The following FSD1L variants were observed in gnomAD, a reference collection of about 807,000 sequenced individuals.
FSD1L encodes the protein fibronectin type III and SPRY domain containing 1 like.
In FSD1L, 45 loss-of-function variants were observed where a neutral mutation model predicts 71.6. The observed-to-expected ratio is 0.63, with a 90% confidence interval of 0.49 to 0.81. FSD1L has a LOEUF of 0.81. Ranked by LOEUF, FSD1L falls within the 30% of genes least tolerant of loss-of-function variation. FSD1L has a pLI of 0.00. For synonymous variants in FSD1L, 197 were observed against 207.2 expected (o/e 0.95, Z 0.42); for missense variants, 561 against 618.1 (o/e 0.91, Z 0.98).
chr9:105,525,334 T>C, intron 10 of FSD1L: 1 of 1,596,034 alleles, frequency 6.3e-7, no homozygotes, highest in Admixed American at 1.8e-5. Context: ...TCCTGAATGC[T>C]TACAGAGAAC....
At chr9:105,523,563 A>G (rs1167811121) in intron 10 of FSD1L, 14 of 1,612,178 alleles carry the variant, frequency 8.7e-6, no homozygotes, top group South Asian at 2.2e-5. Flanking sequence ...GATTAGAGAT[A>G]ACCTCGGCAT....
intron 1 of FSD1L, among the ~76,000 whole-genome samples, chr9:105,449,245 A>G (rs1406711505): frequency 6.6e-6 from 1 of 152,232 alleles, no homozygotes; most frequent in Non-Finnish European, 1.5e-5. Flanking sequence ...TGAGAGAATA[A>G]TGATGTGTTG....
In FSD1L at chr9:105,490,503, A is replaced by G. The variant is rs1564106986; in HGVS notation, c.586+6001A>G. Reference sequence around the variant, plus strand: ...TTCTTTTGCTGTGCAGAAGCTCTTTAGTTTAATTAGATCCCAGTTGTCAAT... The same window carrying G: ...TTCTTTTGCTGTGCAGAAGCTCTTTGGTTTAATTAGATCCCAGTTGTCAAT... On this transcript the variant is annotated intron_variant, in intron 7 of 13. Coordinates refer to ENST00000481272, the MANE Select transcript of FSD1L (RefSeq NM_001145313.3). Among the ~76,000 whole-genome samples the G allele has an allele frequency of 4.6e-5, 7 of 151,456 alleles. No homozygotes were observed. The South Asian group carries it at 1.5e-3, about 32-fold the overall frequency.
At position 105,497,301 on chromosome 9, in the gene FSD1L, T is replaced by G. The variant is rs76377983; in HGVS notation, c.587-9098T>G. Among the ~76,000 whole-genome samples, 913 of 152,320 alleles carry G rather than the reference T, an allele frequency of 6.0e-3. 14 individuals carry two copies. Among genetic ancestry groups the G allele is most frequent in the African/African-American group, 0.021 (870 of 41,570 alleles). On this transcript the variant is annotated intron_variant, in intron 7 of 13. Transcript: ENST00000481272. ...TTGAGGATTTTTCACATCTAATTTA[T>G]GAGACATACTGGTTTGTAGTTTTCT...
At chr9:105,520,010 A>C in intron 10 of FSD1L, 1 of 1,432,216 alleles carries the variant, frequency 7.0e-7, no homozygotes, top group Middle Eastern at 2.6e-4. Context: ...CCTGGCCCGC[A>C]AGGCTGGGGA....
Position 105,448,203 on chromosome 9 carries a change from T to G in FSD1L, c.-18T>G. 2.0e-6 allele frequency: 3 copies of G among 1,522,112 alleles called. No individual in the cohort carries two copies. Among genetic ancestry groups the G allele is most frequent in the Non-Finnish European group, 2.7e-6 (3 of 1,131,030 alleles). 94.3% of individuals were successfully genotyped at this position (1,522,112 alleles called of 1,614,324 possible). A position where few individuals can be genotyped will look rare whatever the true frequency, so the allele number is the denominator to read the frequency against. On this transcript the variant is annotated 5_prime_UTR_variant, in exon 1 of 14. Coordinates refer to ENST00000481272, the MANE Select transcript of FSD1L (RefSeq NM_001145313.3). ...TTCGTCGTCTCGGGTTCGAGCCCAG[T>G]GGGCTTAGCCACTCGCCATGGACTC... is the stretch of plus-strand genomic sequence containing the variant.
rs1837165690 is a variant in FSD1L, at chr9:105,549,200, A to G, written c.*2717A>G. ...AGGTTGACTATAATGGATATGTCACAGGTATAAAACAGTTGTTTTCTAAAA... is the reference window on the plus strand; with the variant it reads ...AGGTTGACTATAATGGATATGTCACGGGTATAAAACAGTTGTTTTCTAAAA... On this transcript the variant is annotated 3_prime_UTR_variant, in exon 14 of 14. Coordinates refer to ENST00000481272, the MANE Select transcript of FSD1L (RefSeq NM_001145313.3). The G allele has an allele frequency of 6.6e-6, 1 of 152,106 alleles. No individual in the cohort carries two copies. Among genetic ancestry groups the G allele is most frequent in the African/African-American group, 2.4e-5 (1 of 41,452 alleles). 9.4% of individuals were successfully genotyped at this position (152,106 alleles called of 1,614,324 possible).
chr9:105,458,914 T>C (rs1325977475), intron 1 of FSD1L, among the ~76,000 whole-genome samples: 5 of 152,220 alleles, frequency 3.3e-5, no homozygotes, highest in African/African-American at 9.6e-5. Context: ...TAGCTTTCTG[T>C]CTTCGCTCTT....
chr9:105,480,389 C>G (rs1832092355), intron 6 of FSD1L, among the ~76,000 whole-genome samples: 1 of 151,086 alleles, frequency 6.6e-6, no homozygotes, highest in South Asian at 2.1e-4. Flanking sequence ...GCCTCATGGG[C>G]TCAAGTGATC....
Position 105,550,278 on chromosome 9 carries a change from T to G in FSD1L, c.*3795T>G, listed in dbSNP as rs903548162. On this transcript the variant is annotated 3_prime_UTR_variant, in exon 14 of 14. Coordinates refer to ENST00000481272, the MANE Select transcript of FSD1L (RefSeq NM_001145313.3). ...TCAAATTAACTGCATATAAAATGGT[T>G]CACTTTTATATAGTCACATGTAATG... 1 of 152,046 alleles carries G rather than the reference T, an allele frequency of 6.6e-6. No homozygotes were observed. The highest frequency in any genetic ancestry group is 1.5e-5 in the Non-Finnish European group (1 of 67,910). The allele number at this position is 152,046 out of a possible 1,614,324, so 9.4% of individuals were successfully genotyped here.
In FSD1L at chr9:105,502,689, G is replaced by A. The variant is rs78268016; in HGVS notation, c.587-3710G>A. On this transcript the variant is annotated intron_variant, in intron 7 of 13. Transcript: ENST00000481272. ...ATAAAAAAAAATGATTTAAAACGCC[G>A]TCTTCTCAACCTTACTTCTTCCCTT... is the stretch of plus-strand genomic sequence containing the variant. Among the ~76,000 whole-genome samples the A allele has an allele frequency of 9.3e-3, 1,410 of 151,994 alleles. 22 individuals are homozygous for A. The highest frequency in any genetic ancestry group is 0.033 in the African/African-American group (1,347 of 41,432).
At chr9:105,524,872 A>T in intron 10 of FSD1L, 6 of 1,576,150 alleles carry the variant, frequency 3.8e-6, no homozygotes, top group South Asian at 1.1e-5. Flanking sequence ...CACGACAATC[A>T]TTACAGTGAA....
rs796324151 is a variant in FSD1L at position 105,550,339 on chromosome 9, C to T, written c.*3856C>T. 11 of 152,074 alleles carry T rather than the reference C, an allele frequency of 7.2e-5. No individual in the cohort carries two copies. The highest frequency in any genetic ancestry group is 2.6e-4 in the African/African-American group (11 of 41,536). 9.4% of individuals were successfully genotyped at this position (152,074 alleles called of 1,614,324 possible). A position where few individuals can be genotyped will look rare whatever the true frequency, so the allele number is the denominator to read the frequency against. On this transcript the variant is annotated 3_prime_UTR_variant, in exon 14 of 14. Transcript: ENST00000481272. ...AGTTTCTTCTTTGATTATGTAGTTA[C>T]TCTAGATACATTCTTTTAGGGAAGT...
At chr9:105,533,416 C>CTTTTCTTTTTTTTTTTTTTTTT (rs1836034127) in intron 10 of FSD1L, among the ~76,000 whole-genome samples, 1 of 29,070 alleles carries the variant, frequency 3.4e-5, no homozygotes, top group African/African-American at 1.3e-4. Flanking sequence ...CCATTTCCAT[C>CTTTTCTTTTTTTTTTTTTTTTT]TTTTTTTTTT....
chr9:105,472,829 T>C (rs542570924), intron 5 of FSD1L: 26 of 152,236 alleles, frequency 1.7e-4, no homozygotes, highest in Non-Finnish European at 3.2e-4. Context: ...AATTGAACTT[T>C]AATTGATTTC....
At chr9:105,532,647 T>G (rs1469309209) in intron 10 of FSD1L, among the ~76,000 whole-genome samples, 1 of 152,220 alleles carries the variant, frequency 6.6e-6, no homozygotes, top group Non-Finnish European at 1.5e-5. Context: ...TTCACAGAAA[T>G]TTTAATCTAC....
intron 7 of FSD1L, among the ~76,000 whole-genome samples, chr9:105,490,507 T>C (rs1832855757): frequency 6.6e-6 from 1 of 151,708 alleles, no homozygotes; most frequent in Admixed American, 6.6e-5. Context: ...CTCTTTAGTT[T>C]AATTAGATCC....
rs762876382 is a variant in FSD1L, at chr9:105,534,613, T to C, written c.1126+20T>C. The C allele has an allele frequency of 7.3e-6, 10 of 1,365,286 alleles. No individual in the cohort carries two copies. The Admixed American group carries it at 1.3e-4, about 17-fold the overall frequency. 84.6% of individuals were successfully genotyped at this position (1,365,286 alleles called of 1,614,324 possible). ...TGCTGGGTAGGACAAAACATAATTG[T>C]TTTTCATTATCTCAGATTAAAGGCA... On this transcript the variant is annotated intron_variant, in intron 11 of 13. Transcript: ENST00000481272.
chr9:105,507,277 G>A (rs1406748986), intron 8 of FSD1L, among the ~76,000 whole-genome samples: 2 of 152,136 alleles, frequency 1.3e-5, no homozygotes, highest in Non-Finnish European at 2.9e-5. Flanking sequence ...CCTTTTGAAA[G>A]CCTTTATAAG....
Sources: allele counts gnomAD v4.1 joint callset (sites outside exome capture counted in the v4.1 genomes callset), GRCh38; gene constraint gnomAD v4.1.1; transcripts MANE v1.5; gene names NCBI Gene and HGNC (gene_info 2026-07-23, HGNC 2026-07-21).